The following SYT14 variants were observed in gnomAD, a reference collection of about 807,000 sequenced individuals.
SYT14 encodes synaptotagmin-14.
A neutral mutation model predicts 74.2 loss-of-function variants in SYT14; 32 were observed. The observed-to-expected ratio is 0.43, with a 90% CI of 0.33 to 0.58. The LOEUF is 0.58. Among genes scored for constraint, SYT14 ranks in the 20% least tolerant of loss-of-function variants. The probability of loss-of-function intolerance (pLI) is 0.05; values close to 1 mark genes in which losing one functional copy is unlikely to be tolerated. For synonymous variants in SYT14, 298 were observed against 337.7 expected, an observed-to-expected ratio of 0.88 and a Z score of 1.29; for missense variants, 791 against 981.8, an observed-to-expected ratio of 0.81 and a Z score of 2.60.
At chr1:209,989,136 G>C (rs867182217) in intron 2 of SYT14, among the ~76,000 whole-genome samples, 2 of 151,966 alleles carry the variant, frequency 1.3e-5, no homozygotes, top group Non-Finnish European at 2.9e-5. Flanking sequence ...TGTTTCATAC[G>C]CTCTGTCTTG....
intron 5 of SYT14, among the ~76,000 whole-genome samples, chr1:210,057,378 A>T (rs1386374342): frequency 6.6e-6 from 1 of 152,174 alleles, no homozygotes; most frequent in Non-Finnish European, 1.5e-5. Context: ...TTAGCACTGC[A>T]TTTCAAGGCC....
At chr1:210,028,253 T>C (rs572196455) in intron 5 of SYT14, among the ~76,000 whole-genome samples, 36 of 150,188 alleles carry the variant, frequency 2.4e-4, no homozygotes, top group Admixed American at 4.7e-4. Context: ...TCCTTTTTTT[T>C]CTTCAATTTT....
At chr1:210,017,230 A>G (rs1309416222) in intron 4 of SYT14, 2 of 576,570 alleles carry the variant, frequency 3.5e-6, no homozygotes, top group Non-Finnish European at 5.1e-6. Context: ...GAATCCTTTT[A>G]CTGGGAAACA....
In SYT14 at chr1:210,115,471, G is replaced by A. The variant is rs138097163; in HGVS notation, c.2034+15010G>A. Among the ~76,000 whole-genome samples the A allele has an allele frequency of 4.0e-3, 603 of 151,352 alleles. 39 individuals are homozygous for A. Among genetic ancestry groups the A allele is most frequent in the African/African-American group, 0.014 (564 of 40,700 alleles). On this transcript the variant is annotated intron_variant, in intron 7 of 9. Coordinates refer to ENST00000637265, the Ensembl canonical transcript of SYT14. ...AACATGGGTGAATAATCAAGCAGGC[G>A]TCCCCGCAGTGATTAAACACCAAGG...
chr1:210,148,213 T>C (rs1021412509), intron 7 of SYT14, among the ~76,000 whole-genome samples: 1 of 152,120 alleles, frequency 6.6e-6, no homozygotes, highest in Non-Finnish European at 1.5e-5. Flanking sequence ...ATCAGTATTA[T>C]AAGGAAATAT....
chr1:209,938,688 G>A (rs1026603540), intron 1 of SYT14, among the ~76,000 whole-genome samples: 3 of 152,064 alleles, frequency 2.0e-5, no homozygotes, highest in Non-Finnish European at 2.9e-5. Flanking sequence ...TCTTTCCCCG[G>A]CCGCGGCAAA....
intron 1 of SYT14, among the ~76,000 whole-genome samples, chr1:209,940,150 A>C (rs1025296209): frequency 3.3e-5 from 5 of 152,238 alleles, no homozygotes; most frequent in African/African-American, 1.2e-4. Flanking sequence ...TAAAGATGGC[A>C]GTTCGAATTA....
intron 5 of SYT14, among the ~76,000 whole-genome samples, chr1:210,045,174 A>G (rs894511440): frequency 1.1e-4 from 17 of 152,212 alleles, no homozygotes; most frequent in African/African-American, 4.1e-4. Flanking sequence ...ATTTAGTTCA[A>G]AGTTTACAAT....
intron 5 of SYT14, among the ~76,000 whole-genome samples, chr1:210,026,118 G>A (rs1475160953): frequency 1.3e-5 from 2 of 151,686 alleles, no homozygotes; most frequent in Non-Finnish European, 2.9e-5. Context: ...ACTACAAAAG[G>A]GATGATATCT....
At chr1:209,978,859 C>G (rs534721416) in intron 2 of SYT14, among the ~76,000 whole-genome samples, 3 of 152,218 alleles carry the variant, frequency 2.0e-5, no homozygotes, top group African/African-American at 7.2e-5. Flanking sequence ...CCACCCAGTT[C>G]GAGCTTCCAG....
At chr1:210,144,161 T>C (rs2082981347) in intron 7 of SYT14, among the ~76,000 whole-genome samples, 3 of 152,228 alleles carry the variant, frequency 2.0e-5, no homozygotes, top group African/African-American at 7.2e-5. Flanking sequence ...TCTTTTGTTT[T>C]AATTATACAT....
intron 7 of SYT14, among the ~76,000 whole-genome samples, chr1:210,140,998 T>C (rs951672410): frequency 6.7e-6 from 1 of 149,604 alleles, no homozygotes; most frequent in African/African-American, 2.5e-5. Flanking sequence ...TGCACTTACA[T>C]ATGAATTTTA....
intron 7 of SYT14, among the ~76,000 whole-genome samples, chr1:210,118,638 A>G (rs1004794276): frequency 2.0e-5 from 3 of 151,896 alleles, no homozygotes; most frequent in Admixed American, 6.6e-5. Flanking sequence ...CACCATGCCC[A>G]GCTAATATTT....
At chr1:210,011,980 G>A (rs1043689971) in intron 2 of SYT14, among the ~76,000 whole-genome samples, 2 of 152,110 alleles carry the variant, frequency 1.3e-5, no homozygotes, top group Non-Finnish European at 2.9e-5. Flanking sequence ...GCTGTCTTTT[G>A]TCTTTTCTTG....
chr1:210,137,243 A>G (rs186687243), intron 7 of SYT14, among the ~76,000 whole-genome samples: 5 of 152,312 alleles, frequency 3.3e-5, no homozygotes, highest in Admixed American at 1.3e-4. Flanking sequence ...GTAAACTCGT[A>G]GGACACAGCC....
chr1:210,088,796 G>C (rs1057247706), intron 5 of SYT14, among the ~76,000 whole-genome samples: 1 of 151,866 alleles, frequency 6.6e-6, no homozygotes, highest in Non-Finnish European at 1.5e-5. Flanking sequence ...TTTATGCTCA[G>C]ACCTATAAAT....
intron 7 of SYT14, among the ~76,000 whole-genome samples, chr1:210,108,175 G>A (rs1397168727): frequency 6.6e-6 from 1 of 152,148 alleles, no homozygotes; most frequent in Non-Finnish European, 1.5e-5. Context: ...TGAACACAAA[G>A]CAGTTCTGGA....
chr1:210,094,504 G>C (rs1412334489), exon 6 of SYT14: 1 of 1,613,870 alleles, frequency 6.2e-7, no homozygotes, highest in Middle Eastern at 1.7e-4. Flanking sequence ...CCCAAGTGAA[G>C]GAAGCACAGG....
At chr1:209,967,406 G>T (rs532746981) in intron 2 of SYT14, among the ~76,000 whole-genome samples, 7 of 151,974 alleles carry the variant, frequency 4.6e-5, no homozygotes, top group African/African-American at 9.7e-5. Flanking sequence ...TAAATGTTTG[G>T]TACAGTTCAC....
Sources: gnomAD v4.1 joint callset for allele counts (sites outside exome capture counted in the v4.1 genomes callset) on GRCh38, gnomAD v4.1.1 for gene constraint, MANE v1.5 for transcripts, NCBI Gene and HGNC (gene_info 2026-07-23, HGNC 2026-07-21) for gene names.